The following GATAD2B variants were observed in gnomAD, a reference collection of about 807,000 sequenced individuals.
The protein encoded by GATAD2B is transcriptional repressor p66-beta.
In GATAD2B, 8 loss-of-function variants were observed where a neutral mutation model predicts 64.3. The ratio of observed to expected loss-of-function variants is 0.12; its 90% CI spans 0.07 to 0.22. The LOEUF is 0.22. GATAD2B is among the 10% of genes least tolerant of loss of function. The pLI is 1.00. For synonymous variants in GATAD2B, 281 were observed against 271.3 expected (o/e 1.04, Z -0.35); for missense variants, 453 against 752.0 (o/e 0.60, Z 4.65).
chr1:153,870,832 C>G (rs1037505736), intron 1 of GATAD2B, among the ~76,000 whole-genome samples: 1 of 152,142 alleles, frequency 6.6e-6, no homozygotes, highest in Non-Finnish European at 1.5e-5. Context: ...TGGTTTCAGG[C>G]ATTTTAGATA....
intron 1 of GATAD2B, among the ~76,000 whole-genome samples, chr1:153,859,129 G>A (rs564716050): frequency 1.3e-5 from 2 of 152,094 alleles, no homozygotes; most frequent in East Asian, 3.9e-4. Context: ...TTGGGAGGCC[G>A]AGGTATGTAG....
At chr1:153,836,263 G>GTT (rs754264117) in intron 1 of GATAD2B, among the ~76,000 whole-genome samples, 51 of 106,542 alleles carry the variant, frequency 4.8e-4, no homozygotes, top group African/African-American at 5.7e-4. Flanking sequence ...AAAAAAATTT[G>GTT]TTTTTTTTTT....
chr1:153,822,174 C>CT (rs1557785117), intron 2 of GATAD2B, among the ~76,000 whole-genome samples: 1 of 151,968 alleles, frequency 6.6e-6, no homozygotes, highest in African/African-American at 2.4e-5. Context: ...GAGCAAAACT[C>CT]TGTCTCAAAA....
intron 1 of GATAD2B, among the ~76,000 whole-genome samples, chr1:153,879,788 TCATA>T (rs1676954997): frequency 7.3e-6 from 1 of 137,436 alleles, no homozygotes; most frequent in Non-Finnish European, 1.6e-5. Context: ...AAAAAAGACA[TCATA>T]CTAAACTGAG....
chr1:153,861,231 T>C (rs1325165691), intron 1 of GATAD2B, among the ~76,000 whole-genome samples: 1 of 151,974 alleles, frequency 6.6e-6, no homozygotes, highest in Non-Finnish European at 1.5e-5. Flanking sequence ...AAAATATATA[T>C]ATTATAACCT....
intron 1 of GATAD2B, among the ~76,000 whole-genome samples, chr1:153,919,057 T>C (rs1392856957): frequency 6.6e-6 from 1 of 152,260 alleles, no homozygotes; most frequent in Non-Finnish European, 1.5e-5. Flanking sequence ...TTAATTTCTT[T>C]AGCAGTTTAC....
chr1:153,895,356 G>T (rs1373448739), intron 1 of GATAD2B, among the ~76,000 whole-genome samples: 1 of 149,344 alleles, frequency 6.7e-6, no homozygotes, highest in Non-Finnish European at 1.5e-5. Flanking sequence ...AAAGTTTACA[G>T]AAACTGATAA....
At chr1:153,811,701 G>T (rs776951364) in intron 10 of GATAD2B, 30 bp downstream of exon 10, 1 of 1,338,610 alleles carries the variant, frequency 7.5e-7, no homozygotes, top group Non-Finnish European at 1.1e-6. Context: ...GCTGACCCAT[G>T]AGAAACATTT....
chr1:153,843,249 C>T (rs1003224323), intron 1 of GATAD2B, among the ~76,000 whole-genome samples: 5 of 151,812 alleles, frequency 3.3e-5, no homozygotes, highest in Admixed American at 1.3e-4. Flanking sequence ...ATCCTCCCAC[C>T]TCAGCCTCCC....
At chr1:153,838,889 C>A (rs1205743569) in intron 1 of GATAD2B, among the ~76,000 whole-genome samples, 2 of 152,034 alleles carry the variant, frequency 1.3e-5, no homozygotes, top group African/African-American at 4.8e-5. Context: ...GATGGCAGAT[C>A]ATTTGAGGCT....
intron 1 of GATAD2B, among the ~76,000 whole-genome samples, chr1:153,851,114 T>TC (rs1453741124): frequency 6.6e-6 from 1 of 151,876 alleles, no homozygotes; most frequent in Non-Finnish European, 1.5e-5. Context: ...CAATTTCTCC[T>TC]CCCCCTCAGC....
At chr1:153,902,102 G>A (rs1677797647) in intron 1 of GATAD2B, among the ~76,000 whole-genome samples, 2 of 151,648 alleles carry the variant, frequency 1.3e-5, no homozygotes, top group South Asian at 4.2e-4. Context: ...CCAACATGGA[G>A]AAACCCCATC....
In GATAD2B at chr1:153,911,850, G is replaced by A. The variant is rs540281613; in HGVS notation, c.-2+10883C>T. Among the ~76,000 whole-genome samples the A allele has an allele frequency of 9.2e-5, 14 of 152,052 alleles. 1 individual carries two copies. In the South Asian group the frequency reaches 1.2e-3, roughly 14 times the overall value. On this transcript the variant is annotated intron_variant, in intron 1 of 10. Transcript: ENST00000368655. The stretch of plus-strand genomic sequence containing the variant: ...CTCACTGTCCTCCTCTAATACCTCC[G>A]TGCACCATAACAGTATCCTTTATTC...
chr1:153,857,220 C>A (rs959086379), intron 1 of GATAD2B, among the ~76,000 whole-genome samples: 1 of 151,834 alleles, frequency 6.6e-6, no homozygotes, highest in East Asian at 1.9e-4. Flanking sequence ...CCAAGGCAGG[C>A]GGATCACCTG....
intron 1 of GATAD2B, among the ~76,000 whole-genome samples, chr1:153,913,175 G>T (rs1201822845): frequency 6.6e-6 from 1 of 151,726 alleles, no homozygotes. Context: ...CGATCCACCC[G>T]CCTCAGCCTC....
intron 1 of GATAD2B, among the ~76,000 whole-genome samples, chr1:153,896,855 GA>G (rs1239048494): frequency 6.6e-6 from 1 of 151,918 alleles, no homozygotes; most frequent in African/African-American, 2.4e-5. Context: ...TTTCTTAAGG[GA>G]AAAAATGTCA....
chr1:153,871,541 G>A (rs1676666222), intron 1 of GATAD2B, among the ~76,000 whole-genome samples: 1 of 151,964 alleles, frequency 6.6e-6, no homozygotes, highest in Admixed American at 6.6e-5. Context: ...AAATTTATTA[G>A]AATCGTGGAT....
At chr1:153,890,224 T>A (rs1677331840) in intron 1 of GATAD2B, among the ~76,000 whole-genome samples, 1 of 148,770 alleles carries the variant, frequency 6.7e-6, no homozygotes, top group Non-Finnish European at 1.5e-5. Flanking sequence ...GTGTGGTGGC[T>A]CACACCTGTA....
At chr1:153,903,754 C>T (rs1487033422) in intron 1 of GATAD2B, among the ~76,000 whole-genome samples, 4 of 152,104 alleles carry the variant, frequency 2.6e-5, no homozygotes, top group Non-Finnish European at 5.9e-5. Flanking sequence ...GAGGCTGAGG[C>T]GGGCAGACAG....
Sources: gnomAD v4.1 joint callset for allele counts (sites outside exome capture counted in the v4.1 genomes callset) on GRCh38, gnomAD v4.1.1 for gene constraint, MANE v1.5 for transcripts, NCBI Gene and HGNC (gene_info 2026-07-23, HGNC 2026-07-21) for gene names.